GNAL: variants seen among roughly 807,000 people sequenced by gnomAD.
The protein encoded by GNAL is guanine nucleotide-binding protein G(olf) subunit alpha.
A neutral mutation model predicts 55.1 loss-of-function variants in GNAL; 18 were observed. That is an observed-to-expected ratio of 0.33 (90% CI 0.23 to 0.48). The LOEUF is 0.48. Ranked by LOEUF, GNAL falls within the 20% of genes least tolerant of loss-of-function variation. The pLI, the probability that GNAL is intolerant of heterozygous loss-of-function variation, is 0.99. For missense variants in GNAL, 412 were observed against 614.1 expected (o/e 0.67, Z 3.48); for synonymous variants, 253 against 237.0 (o/e 1.07, Z -0.62).
chr18:11,839,299 T>G (rs1272690029), intron 5 of GNAL, among the ~76,000 whole-genome samples: 2 of 151,966 alleles, frequency 1.3e-5, no homozygotes, highest in East Asian at 3.9e-4. Flanking sequence ...ATCTCAACAC[T>G]TTGGGAGGCC....
chr18:11,799,637 C>T (rs2034471261), intron 4 of GNAL, among the ~76,000 whole-genome samples: 1 of 152,038 alleles, frequency 6.6e-6, no homozygotes, highest in African/African-American at 2.4e-5. Context: ...TGGAGTATTT[C>T]AAATTTCAGA....
At chr18:11,779,880 C>T (rs1223113573) in intron 4 of GNAL, among the ~76,000 whole-genome samples, 1 of 152,176 alleles carries the variant, frequency 6.6e-6, no homozygotes, top group East Asian at 1.9e-4. Context: ...TTTAATTGTG[C>T]AGTCATTAAC....
At chr18:11,782,849 A>T (rs1213709946) in intron 4 of GNAL, among the ~76,000 whole-genome samples, 1 of 152,206 alleles carries the variant, frequency 6.6e-6, no homozygotes, top group Non-Finnish European at 1.5e-5. Context: ...ATGTACATAG[A>T]TGCTACTGAA....
At chr18:11,780,661 G>A (rs2033902696) in intron 4 of GNAL, among the ~76,000 whole-genome samples, 1 of 152,130 alleles carries the variant, frequency 6.6e-6, no homozygotes, top group Non-Finnish European at 1.5e-5. Flanking sequence ...TAGCCAATCT[G>A]CCTTTGGGTT....
At chr18:11,874,750 T>C (rs996214463) in intron 10 of GNAL, among the ~76,000 whole-genome samples, 1 of 129,612 alleles carries the variant, frequency 7.7e-6, no homozygotes, top group South Asian at 2.5e-4. Flanking sequence ...ACATGGGCGC[T>C]CCCCAGCCAC....
At chr18:11,786,987 C>T (rs1198282127) in intron 4 of GNAL, among the ~76,000 whole-genome samples, 7 of 152,052 alleles carry the variant, frequency 4.6e-5, no homozygotes, top group African/African-American at 1.7e-4. Flanking sequence ...GGCCTGTAAT[C>T]CCAGCAGTTT....
intron 1 of GNAL, among the ~76,000 whole-genome samples, chr18:11,709,442 A>T (rs1206776983): frequency 6.6e-5 from 10 of 151,792 alleles, no homozygotes; most frequent in Non-Finnish European, 1.5e-4. Flanking sequence ...ATTTGTGAAC[A>T]TGGGATTTTT....
intron 4 of GNAL, among the ~76,000 whole-genome samples, chr18:11,771,778 G>C (rs1406775595): frequency 6.6e-6 from 1 of 152,070 alleles, no homozygotes; most frequent in Non-Finnish European, 1.5e-5. Context: ...ATAGTGGTGC[G>C]ATCTCAGCTC....
chr18:11,774,965 AC>A (rs1258941825), intron 4 of GNAL, among the ~76,000 whole-genome samples: 1 of 152,190 alleles, frequency 6.6e-6, no homozygotes, highest in Non-Finnish European at 1.5e-5. Flanking sequence ...CAGGGCTCAC[AC>A]AGCACAGGCC....
At chr18:11,788,383 T>A (rs1383988589) in intron 4 of GNAL, among the ~76,000 whole-genome samples, 5 of 152,176 alleles carry the variant, frequency 3.3e-5, no homozygotes, top group Non-Finnish European at 7.3e-5. Context: ...ACAGCGAACT[T>A]GCAGCAATGC....
chr18:11,864,123 G>A (rs3859295), intron 6 of GNAL, among the ~76,000 whole-genome samples: 7,554 of 141,068 alleles, frequency 0.054, 649 homozygotes, highest in African/African-American at 0.19. Flanking sequence ...AGTCTCACTC[G>A]TCACCCAGGC....
At chr18:11,814,460 A>T (rs556343047) in intron 4 of GNAL, among the ~76,000 whole-genome samples, 1 of 152,086 alleles carries the variant, frequency 6.6e-6, no homozygotes, top group Non-Finnish European at 1.5e-5. Flanking sequence ...CCTGGGAGAC[A>T]GATGTTGCAG....
At chr18:11,849,334 T>C (rs1311602687) in intron 5 of GNAL, among the ~76,000 whole-genome samples, 1 of 152,128 alleles carries the variant, frequency 6.6e-6, no homozygotes, top group East Asian at 1.9e-4. Flanking sequence ...AAACCCCAGC[T>C]GTACTGAAAA....
intron 5 of GNAL, chr18:11,851,865 C>T: frequency 6.2e-7 from 1 of 1,613,958 alleles, no homozygotes; most frequent in Non-Finnish European, 8.5e-7. Context: ...TGGACAAATT[C>T]GAGCACCAGT....
intron 1 of GNAL, among the ~76,000 whole-genome samples, chr18:11,720,005 A>T (rs8096954): frequency 0.013 from 1,972 of 152,288 alleles, 39 homozygotes; most frequent in African/African-American, 0.045. Flanking sequence ...ACCTTTAATG[A>T]ACATTTGAAT....
intron 1 of GNAL, among the ~76,000 whole-genome samples, chr18:11,700,148 C>G (rs936574184): frequency 6.6e-6 from 1 of 152,110 alleles, no homozygotes; most frequent in African/African-American, 2.4e-5. Flanking sequence ...GCAGAAGGGT[C>G]GAGGGTTCTT....
rs938964527 is a variant in GNAL, at chr18:11,751,646, G to C, written c.377-1207G>C. On this transcript the variant is annotated intron_variant, in intron 1 of 11. Transcript: ENST00000334049. This position sits in a 1 kb window ranked among gnomAD's most constrained non-coding sequence, Gnocchi z 4.5. ...CACTTTCCCGGCTCGGGGTGCAAGAGAGCCAGGCGGCCGCGGCGCAGCGGA... is the reference window on the plus strand; with the variant it reads ...CACTTTCCCGGCTCGGGGTGCAAGACAGCCAGGCGGCCGCGGCGCAGCGGA... The C allele has an allele frequency of 4.1e-6, 4 of 985,342 alleles. No homozygotes were observed. In the African/African-American group the frequency reaches 7.0e-5, roughly 17 times the overall value. 61.0% of individuals were successfully genotyped at this position (985,342 alleles called of 1,614,324 possible).
rs145484723 is a variant in GNAL at position 11,828,148 on chromosome 18, C to A, written c.722+3133C>A. On this transcript the variant is annotated intron_variant, in intron 5 of 11. Transcript: ENST00000334049. The stretch of plus-strand genomic sequence containing the variant: ...GGGAACTCCAATGCAGTCTGAGCAG[C>A]CTTGGGAGGCTTGCAGGTGCTGAAA... 8.9e-4 allele frequency among the ~76,000 whole-genome samples: 135 copies of A among 152,266 alleles called. 2 individuals are homozygous for A. The East Asian group carries it at 0.02, about 23-fold the overall frequency.
chr18:11,706,290 C>A lies in GNAL; in HGVS notation c.376+16351C>A, dbSNP rs28875274. The stretch of plus-strand genomic sequence containing the variant: ...ATATAAAAGTTGTGTTTATACTATA[C>A]TATATCTATTAAATGTGCAATCACA... On this transcript the variant is annotated intron_variant, in intron 1 of 11. Transcript: ENST00000334049. Among the ~76,000 whole-genome samples, 930 of 151,636 alleles carry A rather than the reference C, an allele frequency of 6.1e-3. 4 individuals carry two copies. Among genetic ancestry groups the A allele is most frequent in the African/African-American group, 0.021 (872 of 41,328 alleles).
Sources: allele counts gnomAD v4.1 joint callset (sites outside exome capture counted in the v4.1 genomes callset), GRCh38; gene constraint gnomAD v4.1.1; non-coding constraint Gnocchi (gnomAD v3.1); transcripts MANE v1.5; gene names NCBI Gene and HGNC (gene_info 2026-07-23, HGNC 2026-07-21).